The following STK32C variants were observed in gnomAD, a reference collection of about 807,000 sequenced individuals.
STK32C encodes serine/threonine kinase 32C.
STK32C carries 31 observed loss-of-function variants against 56.5 expected under a neutral mutation model. The observed-to-expected ratio is 0.55, with a 90% CI of 0.41 to 0.74. STK32C has a LOEUF of 0.74. Ranked by LOEUF, STK32C falls within the 30% of genes least tolerant of loss-of-function variation. The pLI, the probability that STK32C is intolerant of heterozygous loss-of-function variation, is 0.00. For missense variants in STK32C, 544 were observed against 676.9 expected (o/e 0.80, Z 2.18); for synonymous variants, 309 against 289.4 (o/e 1.07, Z -0.69).
At chr10:132,221,121 G>A (rs1378154694) in intron 10 of STK32C, among the ~76,000 whole-genome samples, 1 of 152,250 alleles carries the variant, frequency 6.6e-6, no homozygotes, top group Non-Finnish European at 1.5e-5. Context: ...GAGTGAGCAT[G>A]AGGGCTTCAC....
At chr10:132,226,519 C>G (rs2062896669) in intron 4 of STK32C, among the ~76,000 whole-genome samples, 1 of 152,234 alleles carries the variant, frequency 6.6e-6, no homozygotes, top group African/African-American at 2.4e-5. Context: ...GTGACCCAGC[C>G]TGGTGGTCTG....
chr10:132,306,090 C>T (rs533938016), intron 1 of STK32C, among the ~76,000 whole-genome samples: 11 of 152,346 alleles, frequency 7.2e-5, no homozygotes, highest in African/African-American at 2.2e-4. Context: ...TGACATAACA[C>T]ACTGTGAACA....
At chr10:132,249,138 G>T (rs566829529) in intron 1 of STK32C, 1 of 446,342 alleles carries the variant, frequency 2.2e-6, no homozygotes, top group South Asian at 1.6e-5. Context: ...TGGCGTCAGG[G>T]CGTGCAGGGG....
In STK32C at chr10:132,289,959, A is replaced by G. The variant is rs75883972; in HGVS notation, c.262+17613T>C. On this transcript the variant is annotated intron_variant, in intron 1 of 11. Coordinates refer to ENST00000298630, the MANE Select transcript of STK32C (RefSeq NM_173575.4). ...GAAAATGCAAATGTTCCTAATATCA[A>G]AACTTATCACATCACGTTTGGAAAT... is the stretch of plus-strand genomic sequence containing the variant. Among the ~76,000 whole-genome samples, 542 of 152,338 alleles carry G rather than the reference A, an allele frequency of 3.6e-3. 3 individuals carry two copies. The highest frequency in any genetic ancestry group is 0.012 in the African/African-American group (506 of 41,572).
rs1204638509 is a variant in STK32C at position 132,268,808 on chromosome 10, TGTCG to T, written c.263-22857_263-22854del. ...CCATGTCCCACATCGTGTGTGTGTG[TGTCG>T]GTGTGTGTGCATGCATGTGTATGCA... On this transcript the variant is annotated intron_variant, in intron 1 of 11. Coordinates refer to ENST00000298630, the MANE Select transcript of STK32C (RefSeq NM_173575.4). 8.1e-5 allele frequency among the ~76,000 whole-genome samples: 12 copies of T among 148,578 alleles called. 1 individual carries two copies. Among genetic ancestry groups the T allele is most frequent in the Admixed American group, 4.7e-4 (7 of 14,886 alleles).
chr10:132,304,155 T>C (rs1006500268), intron 1 of STK32C, among the ~76,000 whole-genome samples: 3 of 152,226 alleles, frequency 2.0e-5, no homozygotes, highest in African/African-American at 2.4e-5. Context: ...ACGTCGTTTA[T>C]GATATTTATA....
intron 1 of STK32C, chr10:132,249,127 G>A (rs1565108321): frequency 2.2e-6 from 1 of 455,902 alleles, no homozygotes; most frequent in Non-Finnish European, 4.4e-6. Flanking sequence ...GGGCGGGGCT[G>A]TGGCGTCAGG....
At chr10:132,295,856 C>T (rs190827566) in intron 1 of STK32C, among the ~76,000 whole-genome samples, 26 of 152,190 alleles carry the variant, frequency 1.7e-4, no homozygotes, top group African/African-American at 6.0e-4. Context: ...GCACTCCAGC[C>T]CGGGCGACGG....
intron 10 of STK32C, among the ~76,000 whole-genome samples, chr10:132,209,749 C>T (rs573405851): frequency 3.3e-5 from 5 of 152,266 alleles, no homozygotes; most frequent in Middle Eastern, 3.4e-3. Flanking sequence ...TTATGGTGAC[C>T]GTGAACTTGG....
At chr10:132,209,396 G>A (rs1432084387) in intron 10 of STK32C, 1 of 630,932 alleles carries the variant, frequency 1.6e-6, no homozygotes, top group Admixed American at 2.2e-5. Flanking sequence ...GTTCTCTGCG[G>A]GACTTTGCTG....
chr10:132,321,736 A>C (rs572690903), downstream of STK32C, among the ~76,000 whole-genome samples: 42 of 152,278 alleles, frequency 2.8e-4, no homozygotes, highest in African/African-American at 9.9e-4. Flanking sequence ...GAGGCAGGAG[A>C]ATCGCTTGAA....
At chr10:132,254,095 G>A (rs2064017672) in intron 1 of STK32C, among the ~76,000 whole-genome samples, 1 of 152,196 alleles carries the variant, frequency 6.6e-6, no homozygotes, top group Non-Finnish European at 1.5e-5. Context: ...GGATCACGAG[G>A]TCAGGAGATC....
intron 1 of STK32C, among the ~76,000 whole-genome samples, chr10:132,318,127 G>T (rs1247529034): frequency 1.3e-5 from 2 of 151,988 alleles, no homozygotes; most frequent in Non-Finnish European, 2.9e-5. Context: ...AATTAGCCGG[G>T]AGTGGTGGCA....
At position 132,233,813 on chromosome 10, in the gene STK32C, G is replaced by A. The variant is rs80044951; in HGVS notation, c.319-5685C>T. Among the ~76,000 whole-genome samples the A allele has an allele frequency of 2.8e-3, 428 of 152,366 alleles. 2 individuals carry two copies. Among genetic ancestry groups the A allele is most frequent in the Non-Finnish European group, 5.2e-3 (357 of 68,036 alleles). On this transcript the variant is annotated intron_variant, in intron 2 of 11. Coordinates refer to ENST00000298630, the MANE Select transcript of STK32C (RefSeq NM_173575.4). ...CGCTCCCGCCTAAAGCCCTTGTTTA[G>A]TCAGAACATTGCCGTGGGGCTAAGG...
chr10:132,289,427 G>A (rs1455774161), intron 1 of STK32C, among the ~76,000 whole-genome samples: 1 of 152,188 alleles, frequency 6.6e-6, no homozygotes, highest in East Asian at 1.9e-4. Flanking sequence ...CTTGAATACA[G>A]AATCGTTAAA....
intron 10 of STK32C, among the ~76,000 whole-genome samples, chr10:132,220,444 C>A (rs1250575235): frequency 6.6e-6 from 1 of 152,206 alleles, no homozygotes; most frequent in African/African-American, 2.4e-5. Flanking sequence ...TAAAAGGGAG[C>A]CTGTTGATGC....
chr10:132,233,500 C>T (rs1014747436), intron 2 of STK32C, among the ~76,000 whole-genome samples: 1 of 152,180 alleles, frequency 6.6e-6, no homozygotes, highest in Non-Finnish European at 1.5e-5. Context: ...CTTCCTAGGC[C>T]ATGGCTGGTG....
rs74161751 is a variant in STK32C, at chr10:132,255,005, C to G, written c.263-9050G>C. Among the ~76,000 whole-genome samples, 10,883 of 152,126 alleles carry G rather than the reference C, an allele frequency of 0.072. 874 individuals carry two copies. Among genetic ancestry groups the G allele is most frequent in the African/African-American group, 0.2 (8,336 of 41,452 alleles). On this transcript the variant is annotated intron_variant, in intron 1 of 11. Transcript: ENST00000298630. The surrounding 1 kb of genome is among the most constrained non-coding windows in gnomAD (Gnocchi z 4.6). Reference sequence around the variant, plus strand: ...CCCACCCACTCATCCGGAAGAGGCCCCCACGTCCAAGTGTCCTCAGGCAGA... The same window carrying G: ...CCCACCCACTCATCCGGAAGAGGCCGCCACGTCCAAGTGTCCTCAGGCAGA...
intron 10 of STK32C, among the ~76,000 whole-genome samples, chr10:132,212,444 G>A (rs949222101): frequency 2.0e-5 from 3 of 152,170 alleles, no homozygotes; most frequent in South Asian, 2.1e-4. Flanking sequence ...ACAGCTAAAC[G>A]CAAGAGCTGA....
Sources: allele counts gnomAD v4.1 joint callset (sites outside exome capture counted in the v4.1 genomes callset), GRCh38; gene constraint gnomAD v4.1.1; non-coding constraint Gnocchi (gnomAD v3.1); transcripts MANE v1.5; gene names NCBI Gene and HGNC (gene_info 2026-07-23, HGNC 2026-07-21).